DLG2: variants seen among roughly 807,000 people sequenced by gnomAD.
The protein encoded by DLG2 is disks large homolog 2.
Under a neutral mutation model 132.5 loss-of-function variants are expected in DLG2, and 45 were observed. The ratio of observed to expected loss-of-function variants is 0.34; its 90% CI spans 0.27 to 0.44. DLG2 has a LOEUF of 0.44. Among genes scored for constraint, DLG2 ranks in the 20% least tolerant of loss-of-function variants. The pLI is 1.00. For synonymous variants in DLG2, 424 were observed against 419.6 expected (o/e 1.01, Z -0.13); for missense variants, 1,045 against 1,196.9 (o/e 0.87, Z 1.87).
At chr11:85,305,797 G>A (rs1191165557) in intron 3 of DLG2, among the ~76,000 whole-genome samples, 2 of 152,210 alleles carry the variant, frequency 1.3e-5, no homozygotes, top group African/African-American at 4.8e-5. Context: ...ACAGGCGTGA[G>A]CCACGGCGCC....
At chr11:84,262,534 CT>C (rs932091102) in intron 7 of DLG2, among the ~76,000 whole-genome samples, 23 of 151,986 alleles carry the variant, frequency 1.5e-4, no homozygotes, top group African/African-American at 2.4e-4. Flanking sequence ...CCATAATCAT[CT>C]TTTTTTTCAT....
At chr11:84,168,555 G>A (rs2095730074) in intron 8 of DLG2, among the ~76,000 whole-genome samples, 1 of 152,156 alleles carries the variant, frequency 6.6e-6, no homozygotes. Context: ...CACAGATGCA[G>A]CATATATTAC....
intron 3 of DLG2, among the ~76,000 whole-genome samples, chr11:85,485,550 G>A (rs1000621797): frequency 6.6e-5 from 10 of 152,142 alleles, no homozygotes; most frequent in African/African-American, 2.4e-4. Flanking sequence ...AAGAAGTGAT[G>A]AGAAGTACTG....
intron 6 of DLG2, among the ~76,000 whole-genome samples, chr11:85,014,601 C>A (rs1256643296): frequency 1.3e-5 from 2 of 152,086 alleles, no homozygotes; most frequent in Non-Finnish European, 2.9e-5. Context: ...TATTTCTACC[C>A]AGCAAGTAAA....
chr11:83,591,826 C>T (rs1199873143), intron 19 of DLG2, among the ~76,000 whole-genome samples: 1 of 151,626 alleles, frequency 6.6e-6, no homozygotes, highest in Non-Finnish European at 1.5e-5. Context: ...ACAAAAATCA[C>T]AAGCATTCTT....
chr11:85,299,817 G>T (rs904949873), intron 3 of DLG2, among the ~76,000 whole-genome samples: 2 of 152,048 alleles, frequency 1.3e-5, no homozygotes, highest in Non-Finnish European at 2.9e-5. Flanking sequence ...GCTGGTCCAG[G>T]GACTGCACTT....
At chr11:85,017,122 C>G (rs563578059) in intron 6 of DLG2, among the ~76,000 whole-genome samples, 40 of 152,262 alleles carry the variant, frequency 2.6e-4, no homozygotes, top group African/African-American at 9.4e-4. Flanking sequence ...CTCTCTAGCC[C>G]TTTACTGGAA....
In DLG2 at chr11:84,568,170, T is replaced by A. The variant is rs115760586; in HGVS notation, c.358-33439A>T. Reference sequence around the variant, plus strand: ...ACGTGATAAGTAACCAGTGCATGGATCTTGGTGGTACTTCTGTGTTCCTGT... The same window carrying A: ...ACGTGATAAGTAACCAGTGCATGGAACTTGGTGGTACTTCTGTGTTCCTGT... On this transcript the variant is annotated intron_variant, in intron 6 of 27. Transcript: ENST00000376104. Among the ~76,000 whole-genome samples the A allele has an allele frequency of 1.5e-3, 235 of 152,226 alleles. 2 individuals are homozygous for A. Among genetic ancestry groups the A allele is most frequent in the African/African-American group, 5.4e-3 (224 of 41,544 alleles).
chr11:84,923,500 A>C (rs187642734), intron 6 of DLG2: 1 of 1,032,682 alleles, frequency 9.7e-7, no homozygotes, highest in Non-Finnish European at 1.2e-6. Flanking sequence ...AAGAATTGAA[A>C]TTTAACCAAT....
At chr11:85,548,775 C>CTT (rs1182703046) in intron 3 of DLG2, among the ~76,000 whole-genome samples, 3 of 152,172 alleles carry the variant, frequency 2.0e-5, no homozygotes, top group African/African-American at 7.2e-5. Context: ...TTCCCAGTGT[C>CTT]TTTGTTTATA....
rs144377818 is a variant in DLG2, at chr11:83,856,941, G to A, written c.1565+17479C>T. 4.0e-4 allele frequency among the ~76,000 whole-genome samples: 61 copies of A among 152,060 alleles called. 1 individual carries two copies. Among genetic ancestry groups the A allele is most frequent in the African/African-American group, 1.3e-3 (54 of 41,500 alleles). ...TGGTATTGCCTAGGTTGTCTTCCAG[G>A]GATTTTATAGTTTTGGGTTTTACAT... is the stretch of plus-strand genomic sequence containing the variant. On this transcript the variant is annotated intron_variant, in intron 16 of 27. Transcript: ENST00000376104.
At chr11:85,052,463 A>G (rs1195840743) in intron 6 of DLG2, among the ~76,000 whole-genome samples, 2 of 152,230 alleles carry the variant, frequency 1.3e-5, no homozygotes, top group Non-Finnish European at 2.9e-5. Flanking sequence ...ATTTTGCATT[A>G]TATACCTTGA....
At chr11:85,183,755 G>T (rs2079893014) in intron 4 of DLG2, among the ~76,000 whole-genome samples, 1 of 151,866 alleles carries the variant, frequency 6.6e-6, no homozygotes, top group African/African-American at 2.4e-5. Flanking sequence ...CTGAATATTA[G>T]ATCACTAGTT....
chr11:85,168,863 A>G (rs1380616469), intron 4 of DLG2, among the ~76,000 whole-genome samples: 1 of 152,128 alleles, frequency 6.6e-6, no homozygotes, highest in Non-Finnish European at 1.5e-5. Flanking sequence ...AGTCTGGCTG[A>G]CTACTATGCA....
intron 18 of DLG2, among the ~76,000 whole-genome samples, chr11:83,782,000 G>A (rs1370575327): frequency 1.4e-4 from 21 of 152,268 alleles, no homozygotes; most frequent in Non-Finnish European, 4.4e-5. Context: ...TGAAAAAAAT[G>A]TTAGTGCTTT....
chr11:83,919,355 C>T (rs2077453507), intron 15 of DLG2, among the ~76,000 whole-genome samples: 2 of 152,048 alleles, frequency 1.3e-5, no homozygotes, highest in Admixed American at 1.3e-4. Flanking sequence ...TACTATCTGA[C>T]CTTCAGGTTT....
intron 21 of DLG2, among the ~76,000 whole-genome samples, chr11:83,487,961 A>G (rs1423936534): frequency 6.6e-6 from 1 of 151,818 alleles, no homozygotes. Context: ...GGTTTTTTTT[A>G]GGGGAGATAA....
At chr11:84,627,218 T>C (rs1727620318) in intron 6 of DLG2, among the ~76,000 whole-genome samples, 1 of 152,164 alleles carries the variant, frequency 6.6e-6, no homozygotes. Flanking sequence ...CAACCTAACA[T>C]TGGCAATGTC....
At chr11:84,245,638 A>G (rs996198133) in intron 8 of DLG2, among the ~76,000 whole-genome samples, 3 of 152,210 alleles carry the variant, frequency 2.0e-5, no homozygotes, top group African/African-American at 7.2e-5. Flanking sequence ...TACTGCCAGT[A>G]CTTGCTAGAT....
Sources: gnomAD v4.1 joint callset for allele counts (sites outside exome capture counted in the v4.1 genomes callset) on GRCh38, gnomAD v4.1.1 for gene constraint, MANE v1.5 for transcripts, NCBI Gene and HGNC (gene_info 2026-07-23, HGNC 2026-07-21) for gene names.